The following TLR4 variants were observed in gnomAD, a reference collection of about 807,000 sequenced individuals.
TLR4 encodes the protein toll like receptor 4, also known as toll-like receptor 4.
Under a neutral mutation model 27.4 loss-of-function variants are expected in TLR4, and 17 were observed. The observed-to-expected ratio is 0.62, with a 90% CI of 0.42 to 0.93. The LOEUF is 0.93. Ranked by LOEUF, TLR4 falls within the 40% of genes least tolerant of loss-of-function variation. The probability of loss-of-function intolerance (pLI) is 0.00; values close to 1 mark genes in which losing one functional copy is unlikely to be tolerated. For synonymous variants in TLR4, 363 were observed against 365.7 expected (o/e 0.99, Z 0.08); for missense variants, 926 against 962.3 (o/e 0.96, Z 0.50).
rs1829267708 is a variant in TLR4, at chr9:117,713,074, G to A, written c.946G>A (p.Val316Met). Residue 316 changes from valine (V) to methionine (M), a missense_variant, in exon 3 of 3, where the codon GTG becomes ATG. By Grantham distance (21) the Val-to-Met change is conservative. Coordinates refer to ENST00000355622, the MANE Select transcript of TLR4 (RefSeq NM_138554.5). ...CLTNVSSFSL[V>M]SVTIERVKDF... ...GACAAATGTTTCTTCATTTTCCCTG[G>A]TGAGTGTGACTATTGAAAGGGTAAA... The A allele has an allele frequency of 1.2e-6, 2 of 1,613,844 alleles. No individual in the cohort carries two copies. The highest frequency in any genetic ancestry group is 3.3e-5 in the Admixed American group (2 of 59,996).
At chr9:117,706,253 A>ATGTCCC (rs781421420) in intron 1 of TLR4, among the ~76,000 whole-genome samples, 1 of 152,134 alleles carries the variant, frequency 6.6e-6, no homozygotes, top group Non-Finnish European at 1.5e-5. Flanking sequence ...CTCTGATTAA[A>ATGTCCC]TGTCCCCTCC....
chr9:117,714,465 C>A lies in TLR4; in HGVS notation c.2337C>A (p.Leu779=). ...IVLQKVEKTL[L]RQQVELYRLL... is the part of the protein sequence containing the mutation. ...TGCAGAAGGTGGAGAAGACCCTGCT[C>A]AGGCAGCAGGTGGAGCTGTACCGCC... is the stretch of plus-strand genomic sequence containing the variant. Residue 779 remains leucine (L), a synonymous_variant, in exon 3 of 3, where the codon CTC becomes CTA. Transcript: ENST00000355622. 1 of 1,613,804 alleles carries A rather than the reference C, an allele frequency of 6.2e-7. No homozygotes were observed. The highest frequency in any genetic ancestry group is 8.5e-7 in the Non-Finnish European group (1 of 1,179,990).
chr9:117,714,182 A>G lies in TLR4; in HGVS notation c.2054A>G (p.Glu685Gly), dbSNP rs749872850. Residue 685 changes from glutamate to glycine, a missense_variant, in exon 3 of 3, where the codon GAG becomes GGG. Coordinates refer to ENST00000355622, the MANE Select transcript of TLR4 (RefSeq NM_138554.5). Reference protein sequence around the residue: ...DAFVIYSSQDEDWVRNELVKN... With the variant: ...DAFVIYSSQDGDWVRNELVKN... ...TTTGTTATCTACTCAAGCCAGGATG[A>G]GGACTGGGTAAGGAATGAGCTAGTA... 5.6e-6 allele frequency: 9 copies of G among 1,613,460 alleles called. No homozygotes were observed. Among genetic ancestry groups the G allele is most frequent in the Admixed American group, 1.7e-5 (1 of 59,966 alleles).
At position 117,714,174 on chromosome 9, in the gene TLR4, C is replaced by A. The variant is rs756599860; in HGVS notation, c.2046C>A (p.Ser682Arg). 11 of 1,613,808 alleles carry A rather than the reference C, an allele frequency of 6.8e-6. No individual in the cohort carries two copies. The Admixed American group carries it at 1.8e-4, about 27-fold the overall frequency. ...ATGATGCCTTTGTTATCTACTCAAG[C>A]CAGGATGAGGACTGGGTAAGGAATG... ...NIYDAFVIYS[S>R]QDEDWVRNEL... The change falls in exon 3 of 3, where the codon AGC (serine) becomes AGA (arginine). Residue 682 changes from serine to arginine, a missense_variant. Ser to Arg is a moderately radical substitution (Grantham distance 110, BLOSUM62 -1). Transcript: ENST00000355622.
chr9:117,712,596 T>A lies in TLR4; in HGVS notation c.468T>A (p.Asn156Lys). 1 of 1,614,058 alleles carries A rather than the reference T, an allele frequency of 6.2e-7. No individual in the cohort carries two copies. ...IGHLKTLKELNVAHNLIQSFK... is the reference protein window; with the variant it reads ...IGHLKTLKELKVAHNLIQSFK... Reference sequence around the variant, plus strand: ...ATCTCAAAACTTTGAAAGAACTTAATGTGGCTCACAATCTTATCCAATCTT... The same window carrying A: ...ATCTCAAAACTTTGAAAGAACTTAAAGTGGCTCACAATCTTATCCAATCTT... Residue 156 changes from asparagine to lysine, a missense_variant, in exon 3 of 3, where the codon AAT becomes AAA. Coordinates refer to ENST00000355622, the MANE Select transcript of TLR4 (RefSeq NM_138554.5).
intron 2 of TLR4, among the ~76,000 whole-genome samples, chr9:117,709,242 G>A (rs1029841682): frequency 2.6e-5 from 4 of 152,030 alleles, no homozygotes; most frequent in African/African-American, 9.7e-5. Flanking sequence ...ACATATAACA[G>A]TAGGTGATAA....
At chr9:117,708,775 G>A (rs1829181255) in intron 2 of TLR4, 46 bp downstream of exon 2, 1 of 1,610,474 alleles carries the variant, frequency 6.2e-7, no homozygotes, top group African/African-American at 1.3e-5. Flanking sequence ...GGTGTTCATT[G>A]TCCTGTCATT....
chr9:117,719,241 A>G lies in TLR4; in HGVS notation c.*4593A>G, dbSNP rs1294799936. The G allele has an allele frequency of 6.8e-6, 1 of 146,514 alleles. No individual in the cohort carries two copies. The highest frequency in any genetic ancestry group is 6.8e-5 in the Admixed American group (1 of 14,804). 9.1% of individuals were successfully genotyped at this position (146,514 alleles called of 1,614,324 possible). A position where few individuals can be genotyped will look rare whatever the true frequency, so the allele number is the denominator to read the frequency against. ...TTTATGCAAGGGCTTTATTTGTGCT[A>G]TCTCAGTTTGTCACATCAATGAATT... On this transcript the variant is annotated 3_prime_UTR_variant, in exon 3 of 3. Coordinates refer to ENST00000355622, the MANE Select transcript of TLR4 (RefSeq NM_138554.5).
At chr9:117,706,548 T>C (rs1829139355) in intron 1 of TLR4, among the ~76,000 whole-genome samples, 1 of 152,210 alleles carries the variant, frequency 6.6e-6, no homozygotes, top group African/African-American at 2.4e-5. Flanking sequence ...GAGGCCCTCC[T>C]GATCTGGCTT....
rs7868471 is a variant in TLR4 at position 117,722,267 on chromosome 9, C to T, written c.*7619C>T. 1.4e-3 allele frequency: 220 copies of T among 152,264 alleles called. No individual in the cohort carries two copies. Among genetic ancestry groups the T allele is most frequent in the African/African-American group, 4.9e-3 (204 of 41,542 alleles). The allele number at this position is 152,264 out of a possible 1,614,324, so 9.4% of individuals were successfully genotyped here. A position where few individuals can be genotyped will look rare whatever the true frequency, so the allele number is the denominator to read the frequency against. ...CTCTGAAAAACACAGGATTTCCTTG[C>T]GAAAACTTGCTGGGCCACTGCCAAT... On this transcript the variant is annotated 3_prime_UTR_variant, in exon 3 of 3. Transcript: ENST00000355622.
chr9:117,721,525 T>A lies in TLR4; in HGVS notation c.*6877T>A, dbSNP rs1016836219. ...TTAAAATGGAAACCATATATGAAGA[T>A]GACAAAGTTGAGCAGGTCCCAAACT... On this transcript the variant is annotated 3_prime_UTR_variant, in exon 3 of 3. Transcript: ENST00000355622. 2.0e-5 allele frequency: 3 copies of A among 152,228 alleles called. No homozygotes were observed. Among genetic ancestry groups the A allele is most frequent in the Non-Finnish European group, 4.4e-5 (3 of 68,030 alleles). The allele number at this position is 152,228 out of a possible 1,614,324, so 9.4% of individuals were successfully genotyped here. A position where few individuals can be genotyped will look rare whatever the true frequency, so the allele number is the denominator to read the frequency against.
At chr9:117,705,997 A>G (rs1829129844) in intron 1 of TLR4, among the ~76,000 whole-genome samples, 1 of 152,114 alleles carries the variant, frequency 6.6e-6, no homozygotes, top group Admixed American at 6.6e-5. Flanking sequence ...TTTCGATAAT[A>G]GTTTTATTTA....
Sources: allele counts gnomAD v4.1 joint callset (sites outside exome capture counted in the v4.1 genomes callset), GRCh38; gene constraint gnomAD v4.1.1; transcripts MANE v1.5; gene names NCBI Gene and HGNC (gene_info 2026-07-23, HGNC 2026-07-21).